SCHIP1: variants seen among roughly 807,000 people sequenced by gnomAD.
The protein encoded by SCHIP1 is schwannomin-interacting protein 1.
A neutral mutation model predicts 29.7 loss-of-function variants in SCHIP1; 8 were observed. The ratio of observed to expected loss-of-function variants is 0.27; its 90% confidence interval spans 0.16 to 0.49. The LOEUF is 0.49. SCHIP1 is among the 20% of genes least tolerant of loss of function. The pLI, the probability that SCHIP1 is intolerant of heterozygous loss-of-function variation, is 0.99. For synonymous variants in SCHIP1, 76 were observed against 94.9 expected (o/e 0.80, Z 1.16); for missense variants, 193 against 294.6 (o/e 0.66, Z 2.52).
chr3:159,465,508 G>A, the SCHIP1 span, among the ~76,000 whole-genome samples: 1 of 152,070 alleles, frequency 6.6e-6, no homozygotes, highest in Non-Finnish European at 1.5e-5. Flanking sequence ...AGGATTAAAT[G>A]ATATGTTCTA....
At chr3:159,465,667 G>T in the SCHIP1 span, among the ~76,000 whole-genome samples, 1 of 152,080 alleles carries the variant, frequency 6.6e-6, no homozygotes, top group Non-Finnish European at 1.5e-5. Context: ...TTGATTTTAT[G>T]TTATAGCTAA....
the SCHIP1 span, among the ~76,000 whole-genome samples, chr3:159,514,448 A>C: frequency 6.6e-6 from 1 of 152,216 alleles, no homozygotes; most frequent in African/African-American, 2.4e-5. Context: ...ATGGTTTATT[A>C]ACAAATTGAG....
chr3:159,453,042 TACA>T, the SCHIP1 span, among the ~76,000 whole-genome samples: 1 of 152,178 alleles, frequency 6.6e-6, no homozygotes, highest in Non-Finnish European at 1.5e-5. Context: ...GGAGAAAAAG[TACA>T]ACAATTACAA....
At chr3:159,492,449 C>T in the SCHIP1 span, among the ~76,000 whole-genome samples, 113 of 152,162 alleles carry the variant, frequency 7.4e-4, no homozygotes, top group South Asian at 5.8e-3. Flanking sequence ...AACTACGTGA[C>T]GAATGCACAA....
At chr3:159,344,932 A>G in the SCHIP1 span, among the ~76,000 whole-genome samples, 8 of 152,260 alleles carry the variant, frequency 5.3e-5, no homozygotes, top group African/African-American at 1.9e-4. Flanking sequence ...ATATAGAACT[A>G]TTCTAAAATA....
At chr3:159,385,226 A>C in the SCHIP1 span, among the ~76,000 whole-genome samples, 4 of 152,164 alleles carry the variant, frequency 2.6e-5, no homozygotes, top group Non-Finnish European at 4.4e-5. Context: ...ACCAGTTCAT[A>C]AGAGAGAAAA....
the SCHIP1 span, among the ~76,000 whole-genome samples, chr3:159,372,628 G>A: frequency 6.6e-6 from 1 of 151,922 alleles, no homozygotes; most frequent in South Asian, 2.1e-4. Flanking sequence ...ATTATGCTTT[G>A]CAGACCACAT....
At chr3:159,516,069 G>T in the SCHIP1 span, among the ~76,000 whole-genome samples, 11 of 152,066 alleles carry the variant, frequency 7.2e-5, no homozygotes, top group Non-Finnish European at 1.0e-4. Context: ...TCCCTTTGGT[G>T]ACTCCTCTTC....
the SCHIP1 span, chr3:159,721,786 C>T: frequency 2.3e-6 from 1 of 436,534 alleles, no homozygotes; most frequent in South Asian, 2.0e-5. Flanking sequence ...CTGTTCTTCC[C>T]CAGCTGGGCT....
exon 1 of SCHIP1, chr3:159,839,909 G>A (rs1267472908): frequency 3.6e-6 from 5 of 1,392,100 alleles, no homozygotes; most frequent in South Asian, 3.4e-5. Context: ...GGTGATGAGC[G>A]CCCCCTCCCC....
the SCHIP1 span, among the ~76,000 whole-genome samples, chr3:159,393,123 A>G: frequency 1.3e-5 from 2 of 152,056 alleles, no homozygotes; most frequent in African/African-American, 2.4e-5. Flanking sequence ...TTTGAGAAGT[A>G]TCTGTTCATG....
At chr3:159,374,107 C>A in the SCHIP1 span, among the ~76,000 whole-genome samples, 1 of 152,048 alleles carries the variant, frequency 6.6e-6, no homozygotes. Context: ...AAAATCATAG[C>A]TTTACACATT....
chr3:159,296,337 G>C, the SCHIP1 span, among the ~76,000 whole-genome samples: 3 of 152,074 alleles, frequency 2.0e-5, no homozygotes, highest in African/African-American at 4.8e-5. Flanking sequence ...AATAAAAATT[G>C]CATATATTTA....
chr3:159,884,288 C>A (rs1363161942), intron 2 of SCHIP1, among the ~76,000 whole-genome samples: 1 of 150,370 alleles, frequency 6.7e-6, no homozygotes, highest in Non-Finnish European at 1.5e-5. Flanking sequence ...TGCATGGAAT[C>A]AAAGGGTAAC....
At chr3:159,536,091 AGC>A in the SCHIP1 span, among the ~76,000 whole-genome samples, 2 of 152,202 alleles carry the variant, frequency 1.3e-5, no homozygotes, top group Non-Finnish European at 2.9e-5. Context: ...AGTCACATGG[AGC>A]TATTGGCTAC....
the SCHIP1 span, among the ~76,000 whole-genome samples, chr3:159,728,988 A>T: frequency 6.6e-6 from 1 of 152,072 alleles, no homozygotes; most frequent in African/African-American, 2.4e-5. Flanking sequence ...CATCTCTACT[A>T]AAAGTATAAA....
the SCHIP1 span, among the ~76,000 whole-genome samples, chr3:159,421,952 A>G: frequency 6.6e-6 from 1 of 152,214 alleles, no homozygotes; most frequent in African/African-American, 2.4e-5. Context: ...CGGGGAAAGA[A>G]AGTAAGTTAA....
chr3:159,887,501 A>C, intron 3 of SCHIP1: 1 of 585,106 alleles, frequency 1.7e-6, no homozygotes, highest in Non-Finnish European at 3.0e-6. Flanking sequence ...TATTAACTAT[A>C]CTGCTCTCTC....
At chr3:159,624,513 A>G in the SCHIP1 span, among the ~76,000 whole-genome samples, 2 of 152,176 alleles carry the variant, frequency 1.3e-5, no homozygotes, top group Non-Finnish European at 2.9e-5. Flanking sequence ...TTAGGGAGAA[A>G]CCATGCAGAG....
Sources: gnomAD v4.1 joint callset for allele counts (sites outside exome capture counted in the v4.1 genomes callset) on GRCh38, gnomAD v4.1.1 for gene constraint, MANE v1.5 for transcripts, NCBI Gene and HGNC (gene_info 2026-07-23, HGNC 2026-07-21) for gene names.